Variants in PIK3R4 observed in about 807,000 individuals in gnomAD.
The protein encoded by PIK3R4 is phosphoinositide-3-kinase regulatory subunit 4, also known as phosphoinositide 3-kinase regulatory subunit 4.
PIK3R4 carries 46 observed loss-of-function variants against 136.5 expected under a neutral mutation model. That is an observed-to-expected ratio of 0.34 (90% CI 0.27 to 0.43). PIK3R4 has a LOEUF of 0.43. Ranked by LOEUF, PIK3R4 falls within the 20% of genes least tolerant of loss-of-function variation. The pLI is 1.00. For synonymous variants in PIK3R4, 557 were observed against 566.7 expected, an observed-to-expected ratio of 0.98 and a Z score of 0.24; for missense variants, 1,331 against 1,649.5, an observed-to-expected ratio of 0.81 and a Z score of 3.35.
At chr3:130,712,850 G>C (rs1241919768) in intron 9 of PIK3R4, among the ~76,000 whole-genome samples, 1 of 152,170 alleles carries the variant, frequency 6.6e-6, no homozygotes, top group Non-Finnish European at 1.5e-5. Flanking sequence ...TTCTCCCTAA[G>C]TCTGTATAAA....
intron 6 of PIK3R4, among the ~76,000 whole-genome samples, chr3:130,724,602 C>A (rs1304171616): frequency 6.6e-6 from 1 of 151,752 alleles, no homozygotes; most frequent in African/African-American, 2.4e-5. Flanking sequence ...CTCAACTAAC[C>A]AAACAATAAA....
chr3:130,680,217 T>C (rs572119818), intron 19 of PIK3R4, among the ~76,000 whole-genome samples: 201 of 152,306 alleles, frequency 1.3e-3, no homozygotes, highest in Non-Finnish European at 2.2e-3. Context: ...AAAGGTATAT[T>C]CTCACTTGAA....
Position 130,708,327 on chromosome 3 carries a change from G to A in PIK3R4, c.2497C>T (p.Leu833Phe). 1 of 1,613,708 alleles carries A rather than the reference G, an allele frequency of 6.2e-7. No homozygotes were observed. ...TCTGGTTCTTGTTTGGTTTTAACAA[G>A]ATCAACTTGTCTCCCAGTTATGCCT... is the stretch of plus-strand genomic sequence containing the variant. ...ALGITGRQVD[L>F]VKTKQEPDDK... The change falls in exon 10 of 20, where the codon CTT becomes TTT. Residue 833 changes from leucine (L) to phenylalanine (F), a missense_variant. Leu to Phe is a conservative substitution (Grantham distance 22). Around this residue, in one of 2 missense-constraint regions of PIK3R4, gnomAD observed 1,180 missense variants for 1,407.0 expected, o/e 0.84. Coordinates refer to ENST00000356763, the MANE Select transcript of PIK3R4 (RefSeq NM_014602.3).
At chr3:130,732,519 G>T (rs1488927411) in intron 4 of PIK3R4, among the ~76,000 whole-genome samples, 1 of 152,134 alleles carries the variant, frequency 6.6e-6, no homozygotes, top group East Asian at 1.9e-4. Flanking sequence ...ACTATGCTTT[G>T]TTATAAATGA....
At chr3:130,713,816 G>A (rs2066645731) in intron 9 of PIK3R4, among the ~76,000 whole-genome samples, 1 of 152,090 alleles carries the variant, frequency 6.6e-6, no homozygotes, top group Non-Finnish European at 1.5e-5. Flanking sequence ...GGGACCACAG[G>A]TGCCCACCAC....
chr3:130,717,572 T>G (rs2066672687), intron 8 of PIK3R4, among the ~76,000 whole-genome samples: 1 of 150,614 alleles, frequency 6.6e-6, no homozygotes, highest in African/African-American at 2.5e-5. Flanking sequence ...TGAAATAGAA[T>G]GATAACCTCT....
intron 9 of PIK3R4, among the ~76,000 whole-genome samples, chr3:130,715,170 C>T (rs1245815636): frequency 6.9e-6 from 1 of 144,030 alleles, no homozygotes; most frequent in Non-Finnish European, 1.5e-5. Context: ...GTCACCCAGG[C>T]TGGAGTGCAG....
Position 130,723,404 on chromosome 3 carries a change from A to G in PIK3R4, c.1981+10T>C, listed in dbSNP as rs773496858. ...CAATCTCATTCTAATTTTGAGAAAC[A>G]GAAACTTACCAATATCACTGGCAAA... On this transcript the variant is annotated intron_variant, in intron 7 of 19. Transcript: ENST00000356763. 1 of 1,592,996 alleles carries G rather than the reference A, an allele frequency of 6.3e-7. No homozygotes were observed. Among genetic ancestry groups the G allele is most frequent in the Non-Finnish European group, 8.5e-7 (1 of 1,172,540 alleles).
intron 6 of PIK3R4, among the ~76,000 whole-genome samples, chr3:130,728,060 T>TA (rs562683078): frequency 2.6e-4 from 39 of 152,314 alleles, no homozygotes; most frequent in Non-Finnish European, 4.7e-4. Context: ...TTTCTGATTC[T>TA]AAAAGTGATG....
rs182819500 is a variant in PIK3R4, at chr3:130,707,425, T to A, written c.2534-290A>T. On this transcript the variant is annotated intron_variant, in intron 10 of 19. Coordinates refer to ENST00000356763, the MANE Select transcript of PIK3R4 (RefSeq NM_014602.3). ...AATTTCAAGTAACCACTATATCTAGTGAATAGTAAGAAAATAGCATGTTTT... is the reference window on the plus strand; with the variant it reads ...AATTTCAAGTAACCACTATATCTAGAGAATAGTAAGAAAATAGCATGTTTT... Among the ~76,000 whole-genome samples, 318 of 152,308 alleles carry A rather than the reference T, an allele frequency of 2.1e-3. 1 individual carries two copies. The highest frequency in any genetic ancestry group is 7.4e-3 in the African/African-American group (307 of 41,564).
At chr3:130,740,752 G>A (rs2066817906) in intron 2 of PIK3R4, among the ~76,000 whole-genome samples, 2 of 151,898 alleles carry the variant, frequency 1.3e-5, no homozygotes, top group South Asian at 4.2e-4. Flanking sequence ...TAAATAAAAA[G>A]TAAAAAATAC....
rs530169865 is a variant in PIK3R4, at chr3:130,722,118, T to C, written c.1981+1296A>G. On this transcript the variant is annotated intron_variant, in intron 7 of 19. Coordinates refer to ENST00000356763, the MANE Select transcript of PIK3R4 (RefSeq NM_014602.3). ...AGAGATGTATATAGTCTATCATTTG[T>C]TTTAAATAAGTAGGTGTTTCTAAGT... Among the ~76,000 whole-genome samples, 33 of 152,268 alleles carry C rather than the reference T, an allele frequency of 2.2e-4. No individual in the cohort carries two copies. In the South Asian group the frequency reaches 6.6e-3, roughly 31 times the overall value.
At chr3:130,710,455 A>C (rs771509885) in intron 9 of PIK3R4, among the ~76,000 whole-genome samples, 27 of 152,142 alleles carry the variant, frequency 1.8e-4, no homozygotes, top group Non-Finnish European at 3.7e-4. Flanking sequence ...TACAAAAAAA[A>C]TTAATAGCAA....
At chr3:130,691,727 T>TTTA (rs1329956314) in intron 13 of PIK3R4, among the ~76,000 whole-genome samples, 1 of 143,188 alleles carries the variant, frequency 7.0e-6, no homozygotes. Flanking sequence ...TGTAAAAACA[T>TTTA]TTATAATACC....
At chr3:130,718,193 A>G (rs1442853158) in intron 8 of PIK3R4, among the ~76,000 whole-genome samples, 196 bp downstream of exon 8, 1 of 152,236 alleles carries the variant, frequency 6.6e-6, no homozygotes, top group African/African-American at 2.4e-5. Context: ...GATGTAAAAC[A>G]TAATAATCTT....
chr3:130,741,034 T>G (rs1384933377), intron 2 of PIK3R4, among the ~76,000 whole-genome samples: 1 of 152,222 alleles, frequency 6.6e-6, no homozygotes, highest in Non-Finnish European at 1.5e-5. Flanking sequence ...CACAGTGACA[T>G]ATGACTATTT....
In PIK3R4 at chr3:130,723,632, G is replaced by C. The variant is rs577812114; in HGVS notation, c.1808-45C>G. 7 of 1,502,258 alleles carry C rather than the reference G, an allele frequency of 4.7e-6. No individual in the cohort carries two copies. In the South Asian group the frequency reaches 7.3e-5, roughly 16 times the overall value. 93.1% of individuals were successfully genotyped at this position (1,502,258 alleles called of 1,614,324 possible). A position where few individuals can be genotyped will look rare whatever the true frequency, so the allele number is the denominator to read the frequency against. On this transcript the variant is annotated intron_variant, in intron 6 of 19. Transcript: ENST00000356763. ...TTATGTGATTATTCAATACCTAAAA[G>C]TACATATATCATTAAGTAAAGCAAT... is the stretch of plus-strand genomic sequence containing the variant.
chr3:130,724,645 G>A (rs2066721937), intron 6 of PIK3R4, among the ~76,000 whole-genome samples: 2 of 151,770 alleles, frequency 1.3e-5, no homozygotes, highest in African/African-American at 4.8e-5. Flanking sequence ...AAAGAAAAGG[G>A]GCACTAATCT....
rs1236520216 is a variant in PIK3R4 at position 130,736,076 on chromosome 3, C to T, written c.734-74G>A. 1.1e-5 allele frequency: 14 copies of T among 1,255,066 alleles called. No individual in the cohort carries two copies. The Admixed American group carries it at 3.2e-4, about 29-fold the overall frequency. 77.7% of individuals were successfully genotyped at this position (1,255,066 alleles called of 1,614,324 possible). ...ATGCAATATAGATTGAGAACTCAGA[C>T]AGTTCATAAAACCCAAAATGCAAAA... On this transcript the variant is annotated intron_variant, in intron 2 of 19. Coordinates refer to ENST00000356763, the MANE Select transcript of PIK3R4 (RefSeq NM_014602.3).
Sources: allele counts gnomAD v4.1 joint callset (sites outside exome capture counted in the v4.1 genomes callset), GRCh38; gene constraint gnomAD v4.1.1; regional missense constraint gnomAD v4.1.1; transcripts MANE v1.5; gene names NCBI Gene and HGNC (gene_info 2026-07-23, HGNC 2026-07-21).